The following CREB5 variants were observed in gnomAD, a reference collection of about 807,000 sequenced individuals.
CREB5 encodes the protein cyclic AMP-responsive element-binding protein 5.
In CREB5, 19 loss-of-function variants were observed where a neutral mutation model predicts 57.1. The observed-to-expected ratio is 0.33, with a 90% confidence interval of 0.23 to 0.49. The LOEUF (loss-of-function observed/expected upper bound fraction) is 0.49. Among genes scored for constraint, CREB5 ranks in the 20% least tolerant of loss-of-function variants. CREB5 has a pLI of 0.99. For synonymous variants in CREB5, 238 were observed against 238.3 expected, an observed-to-expected ratio of 1.00 and a Z score of 0.01; for missense variants, 579 against 671.6, an observed-to-expected ratio of 0.86 and a Z score of 1.52.
At chr7:28,784,255 C>G (rs139982760) in intron 7 of CREB5, among the ~76,000 whole-genome samples, 1 of 152,234 alleles carries the variant, frequency 6.6e-6, no homozygotes, top group Non-Finnish European at 1.5e-5. Flanking sequence ...AGAGAGACAG[C>G]TTGACACAGG....
Position 28,574,904 on chromosome 7 carries a change from A to G in CREB5, c.464+4367A>G, listed in dbSNP as rs572176751. Among the ~76,000 whole-genome samples, 5 of 152,344 alleles carry G rather than the reference A, an allele frequency of 3.3e-5. No homozygotes were observed. The South Asian group carries it at 1.0e-3, about 32-fold the overall frequency. Reference sequence around the variant, plus strand: ...TTTCCACATGATGCGTAACTTAGGCATTTGGTTATAAACCCTATTTGCATG... The same window carrying G: ...TTTCCACATGATGCGTAACTTAGGCGTTTGGTTATAAACCCTATTTGCATG... On this transcript the variant is annotated intron_variant, in intron 5 of 10. Transcript: ENST00000357727.
chr7:28,554,310 C>T (rs1310859291), intron 4 of CREB5, among the ~76,000 whole-genome samples: 1 of 152,186 alleles, frequency 6.6e-6, no homozygotes, highest in Non-Finnish European at 1.5e-5. Context: ...ATTCAAGGCT[C>T]TCCATGGTAT....
intron 1 of CREB5, among the ~76,000 whole-genome samples, chr7:28,421,514 C>T (rs929152651): frequency 6.6e-6 from 1 of 151,950 alleles, no homozygotes; most frequent in African/African-American, 2.4e-5. Context: ...CTAAACAGGA[C>T]TTTTGCACTT....
At chr7:28,644,176 A>C (rs950522904) in intron 5 of CREB5, among the ~76,000 whole-genome samples, 2 of 151,742 alleles carry the variant, frequency 1.3e-5, no homozygotes, top group Non-Finnish European at 2.9e-5. Flanking sequence ...AGAGAAAGAA[A>C]GAAAAAGGGA....
At chr7:28,649,373 ATG>A (rs1799035477) in intron 5 of CREB5, among the ~76,000 whole-genome samples, 1 of 152,240 alleles carries the variant, frequency 6.6e-6, no homozygotes, top group East Asian at 1.9e-4. Flanking sequence ...ATGAATTCAA[ATG>A]TCAGTATCCA....
chr7:28,430,229 T>C (rs538229680), intron 1 of CREB5, among the ~76,000 whole-genome samples: 2 of 152,208 alleles, frequency 1.3e-5, no homozygotes, highest in Admixed American at 6.5e-5. Context: ...GGGGAATTCA[T>C]GAAAGAGGCC....
At chr7:28,524,101 A>G (rs1793322235) in intron 4 of CREB5, among the ~76,000 whole-genome samples, 1 of 152,200 alleles carries the variant, frequency 6.6e-6, no homozygotes, top group African/African-American at 2.4e-5. Flanking sequence ...CACTTGGTTT[A>G]TCTGAGACAA....
chr7:28,730,003 G>C (rs1270510803), intron 7 of CREB5, among the ~76,000 whole-genome samples: 1 of 152,138 alleles, frequency 6.6e-6, no homozygotes, highest in Non-Finnish European at 1.5e-5. Context: ...GCAATCTACA[G>C]TCTCACTTGT....
At chr7:28,713,683 C>T (rs550425064) in intron 5 of CREB5, among the ~76,000 whole-genome samples, 2 of 152,244 alleles carry the variant, frequency 1.3e-5, no homozygotes, top group South Asian at 4.2e-4. Context: ...GGATTAAGAA[C>T]ATCTTGTTTT....
intron 1 of CREB5, among the ~76,000 whole-genome samples, chr7:28,441,518 A>G (rs1313446834): frequency 6.6e-6 from 1 of 152,236 alleles, no homozygotes; most frequent in Non-Finnish European, 1.5e-5. Flanking sequence ...TGAGAGGATT[A>G]AAGAAGCTAA....
chr7:28,641,925 C>A (rs897254037), intron 5 of CREB5, among the ~76,000 whole-genome samples: 1 of 152,144 alleles, frequency 6.6e-6, no homozygotes, highest in African/African-American at 2.4e-5. Flanking sequence ...AGAAAAGGCA[C>A]GTGTGTGCAC....
intron 1 of CREB5, among the ~76,000 whole-genome samples, chr7:28,481,336 GA>G (rs1243971622): frequency 6.6e-6 from 1 of 152,186 alleles, no homozygotes; most frequent in Non-Finnish European, 1.5e-5. Flanking sequence ...AAATATCTTT[GA>G]AGAACAGGGA....
intron 4 of CREB5, among the ~76,000 whole-genome samples, chr7:28,522,913 T>A (rs562913040): frequency 1.1e-4 from 17 of 152,184 alleles, no homozygotes; most frequent in Non-Finnish European, 1.9e-4. Flanking sequence ...GATGCGTAAT[T>A]CCAGTTCCCA....
intron 7 of CREB5, among the ~76,000 whole-genome samples, chr7:28,775,786 T>G (rs1474894882): frequency 6.6e-6 from 1 of 152,128 alleles, no homozygotes. Flanking sequence ...ATATAACTTT[T>G]AAATCACTAT....
At chr7:28,498,483 T>C (rs1792143530) in intron 3 of CREB5, among the ~76,000 whole-genome samples, 1 of 152,220 alleles carries the variant, frequency 6.6e-6, no homozygotes, top group Non-Finnish European at 1.5e-5. Context: ...TGTTAAGATG[T>C]CACAGATATA....
intron 1 of CREB5, among the ~76,000 whole-genome samples, chr7:28,389,827 T>A (rs947553818): frequency 5.3e-5 from 8 of 152,086 alleles, no homozygotes; most frequent in Non-Finnish European, 1.2e-4. Flanking sequence ...CCCTCCCCCT[T>A]GTATTATTTA....
At chr7:28,618,580 C>A (rs1247519516) in intron 5 of CREB5, among the ~76,000 whole-genome samples, 1 of 152,150 alleles carries the variant, frequency 6.6e-6, no homozygotes, top group African/African-American at 2.4e-5. Flanking sequence ...TCTAGGTAAT[C>A]CTGCGGGACC....
intron 1 of CREB5, among the ~76,000 whole-genome samples, chr7:28,356,687 G>A (rs534896378): frequency 6.6e-6 from 1 of 152,284 alleles, no homozygotes; most frequent in East Asian, 1.9e-4. Flanking sequence ...GGCTGCTGTG[G>A]TACTCCTGGG....
chr7:28,454,754 A>C (rs540978347), intron 1 of CREB5, among the ~76,000 whole-genome samples: 41 of 152,308 alleles, frequency 2.7e-4, no homozygotes, highest in Admixed American at 2.0e-3. Flanking sequence ...TAAGCATATA[A>C]AATTTTTTTT....
Sources: allele counts gnomAD v4.1 joint callset (sites outside exome capture counted in the v4.1 genomes callset), GRCh38; gene constraint gnomAD v4.1.1; transcripts MANE v1.5; gene names NCBI Gene and HGNC (gene_info 2026-07-23, HGNC 2026-07-21).